Variants in KDM2B observed in about 807,000 individuals in gnomAD.
KDM2B encodes the protein lysine-specific demethylase 2B.
KDM2B carries 26 observed loss-of-function variants against 150.0 expected under a neutral mutation model. That is an observed-to-expected ratio of 0.17 (90% CI 0.13 to 0.24). The LOEUF is 0.24. Ranked by LOEUF, KDM2B falls within the 10% of genes least tolerant of loss-of-function variation. The pLI, the probability that KDM2B is intolerant of heterozygous loss-of-function variation, is 1.00. For synonymous variants in KDM2B, 734 were observed against 729.5 expected, an observed-to-expected ratio of 1.01 and a Z score of -0.10; for missense variants, 1,265 against 1,816.9, an observed-to-expected ratio of 0.70 and a Z score of 5.52.
chr12:121,504,271 A>G (rs1884855433), intron 11 of KDM2B, among the ~76,000 whole-genome samples: 1 of 152,174 alleles, frequency 6.6e-6, no homozygotes, highest in Admixed American at 6.6e-5. Context: ...TATGTTGCCA[A>G]AGTCAGTCTC....
At position 121,452,704 on chromosome 12, in the gene KDM2B, C is replaced by T. The variant is rs539823098; in HGVS notation, c.1959+416G>A. On this transcript the variant is annotated intron_variant, in intron 13 of 22. Coordinates refer to ENST00000377071, the MANE Select transcript of KDM2B (RefSeq NM_032590.5). The surrounding 1 kb of genome is among the most constrained non-coding windows in gnomAD (Gnocchi z 4.4). ...GAGGGGCGGGCCAGGCTCTCCCGGGCGCGGCTCCTCAGTACCATAAATCAC... is the reference window on the plus strand; with the variant it reads ...GAGGGGCGGGCCAGGCTCTCCCGGGTGCGGCTCCTCAGTACCATAAATCAC... Among the ~76,000 whole-genome samples, 19 of 152,088 alleles carry T rather than the reference C, an allele frequency of 1.2e-4. No individual in the cohort carries two copies. The highest frequency in any genetic ancestry group is 4.6e-4 in the African/African-American group (19 of 41,482).
chr12:121,534,344 A>G (rs1215013134), intron 7 of KDM2B, among the ~76,000 whole-genome samples, 153 bp downstream of exon 7: 13 of 146,916 alleles, frequency 8.8e-5, no homozygotes, highest in South Asian at 2.3e-4. Flanking sequence ...GCGAGACTCC[A>G]TCTCAAAAAA....
At chr12:121,561,683 A>T (rs1890349521) in intron 4 of KDM2B, among the ~76,000 whole-genome samples, 1 of 152,138 alleles carries the variant, frequency 6.6e-6, no homozygotes. Flanking sequence ...CTGGGGGTCT[A>T]TTGGAAGCAT....
At chr12:121,524,539 G>A (rs1886966171) in intron 8 of KDM2B, 1 of 195,072 alleles carries the variant, frequency 5.1e-6, no homozygotes, top group African/African-American at 2.4e-5. Flanking sequence ...CCTCAAGGGT[G>A]GGTCAGGCAG....
At chr12:121,544,272 C>T (rs1888844028) in intron 6 of KDM2B, among the ~76,000 whole-genome samples, 1 of 151,936 alleles carries the variant, frequency 6.6e-6, no homozygotes. Flanking sequence ...GCAGCCTGGG[C>T]AACAAAGCAA....
intron 11 of KDM2B, among the ~76,000 whole-genome samples, chr12:121,506,857 AC>A (rs1885117719): frequency 6.6e-6 from 1 of 151,642 alleles, no homozygotes; most frequent in African/African-American, 2.4e-5. Context: ...AATCACTTGA[AC>A]CCCAGAGGTG....
chr12:121,534,575 G>A lies in KDM2B; in HGVS notation c.699C>T (p.Ser233=), dbSNP rs200066174. The part of the protein sequence containing the change: ...YPKVKKYCLM[S]VKGCFTDFHI... ...GGAAGTCGGTGAAACAACCTTTCAC[G>A]CTCATCAGACAGTACCTGCAACACA... Residue 233 remains serine, a synonymous_variant, in exon 7 of 23, where the codon AGC becomes AGT. Transcript: ENST00000377071. 44 of 1,613,366 alleles carry A rather than the reference G, an allele frequency of 2.7e-5. No individual in the cohort carries two copies. The highest frequency in any genetic ancestry group is 6.7e-5 in the African/African-American group (5 of 74,886).
intron 12 of KDM2B, among the ~76,000 whole-genome samples, chr12:121,486,333 CTTTTTTT>C (rs71079073): frequency 1.2e-4 from 7 of 59,008 alleles, no homozygotes; most frequent in Non-Finnish European, 1.7e-4. Flanking sequence ...TTTCGAACTC[CTTTTTTT>C]TTTTTTTTTT....
chr12:121,415,281 T>C, the KDM2B span: 2 of 375,914 alleles, frequency 5.3e-6, no homozygotes, highest in South Asian at 3.7e-5. Context: ...TAGTATATTA[T>C]ACCCAATTAC....
At chr12:121,443,362 A>G in intron 17 of KDM2B, 1 of 576,196 alleles carries the variant, frequency 1.7e-6, no homozygotes, top group South Asian at 2.1e-5. Flanking sequence ...TCCCCGGCCC[A>G]GCAGGAATGG....
At chr12:121,555,155 AGAGT>A (rs1324200903) in intron 4 of KDM2B, among the ~76,000 whole-genome samples, 1 of 152,252 alleles carries the variant, frequency 6.6e-6, no homozygotes, top group East Asian at 1.9e-4. Context: ...CCTAGGTGAC[AGAGT>A]GAGACTCTAT....
intron 12 of KDM2B, among the ~76,000 whole-genome samples, chr12:121,480,682 G>A (rs189033039): frequency 1.9e-3 from 291 of 151,450 alleles, no homozygotes; most frequent in African/African-American, 6.7e-3. Context: ...GAGGTGAGAG[G>A]AGCACTTGAG....
chr12:121,443,370 T>C, intron 17 of KDM2B: 1 of 573,952 alleles, frequency 1.7e-6, no homozygotes, highest in Non-Finnish European at 3.1e-6. Flanking sequence ...CCAGCAGGAA[T>C]GGCTAGAGCT....
intron 12 of KDM2B, among the ~76,000 whole-genome samples, chr12:121,477,822 C>T (rs1881558626): frequency 2.6e-5 from 4 of 152,154 alleles, no homozygotes; most frequent in Admixed American, 6.5e-5. Flanking sequence ...GGGTGATCCA[C>T]CTGCCTTGGC....
chr12:121,450,262 C>T (rs550711732), intron 13 of KDM2B, among the ~76,000 whole-genome samples: 63 of 150,194 alleles, frequency 4.2e-4, no homozygotes, highest in Admixed American at 3.7e-3. Flanking sequence ...TGCAGTGAGC[C>T]GAGACTGCGC....
intron 6 of KDM2B, among the ~76,000 whole-genome samples, chr12:121,545,377 G>A (rs1250099562): frequency 6.7e-6 from 1 of 149,942 alleles, no homozygotes; most frequent in Non-Finnish European, 1.5e-5. Context: ...CACAGTGACA[G>A]ACAACGGTTT....
intron 12 of KDM2B, among the ~76,000 whole-genome samples, chr12:121,464,644 A>G (rs1879609384): frequency 6.6e-6 from 1 of 152,248 alleles, no homozygotes; most frequent in South Asian, 2.1e-4. Context: ...ACGGGGCAGC[A>G]GCAGCCTCCC....
downstream of KDM2B, among the ~76,000 whole-genome samples, chr12:121,426,370 T>C (rs984503802): frequency 7.9e-5 from 12 of 151,946 alleles, no homozygotes; most frequent in African/African-American, 2.9e-4. Context: ...TACTTGGAAA[T>C]TGGCTTGTTT....
rs782066642 is a variant in KDM2B, at chr12:121,444,183, C to A, written c.2280G>T (p.Gly760=). The A allele has an allele frequency of 1.6e-5, 25 of 1,612,820 alleles. No homozygotes were observed. In the Admixed American group the frequency reaches 2.7e-4, roughly 17 times the overall value. ...CACTCCTCCGCTTGGCAGGTTCCTG[C>A]CCTTCCTTGTTGTCCCGGTTCATCT... ...EQKMNRDNKE[G]QEPAKRRSEC... is the part of the protein sequence containing the mutation. The change falls in exon 16 of 23, where the codon GGG becomes GGT. Residue 760 remains glycine (G), a synonymous_variant. Transcript: ENST00000377071.
Sources: allele counts gnomAD v4.1 joint callset (sites outside exome capture counted in the v4.1 genomes callset), GRCh38; gene constraint gnomAD v4.1.1; non-coding constraint Gnocchi (gnomAD v3.1); transcripts MANE v1.5; gene names NCBI Gene and HGNC (gene_info 2026-07-23, HGNC 2026-07-21).